Variants in CAPRIN1 observed in about 807,000 individuals in gnomAD.
CAPRIN1 encodes cell cycle associated protein 1.
Under a neutral mutation model 100.9 loss-of-function variants are expected in CAPRIN1, and 29 were observed. That is an observed-to-expected ratio of 0.29 (90% confidence interval 0.21 to 0.39). The LOEUF is 0.39. Among genes scored for constraint, CAPRIN1 ranks in the 10% least tolerant of loss-of-function variants. The probability of loss-of-function intolerance (pLI) is 1.00; values close to 1 mark genes in which losing one functional copy is unlikely to be tolerated. For synonymous variants in CAPRIN1, 338 were observed against 307.5 expected (o/e 1.10, Z -1.04); for missense variants, 795 against 876.7 (o/e 0.91, Z 1.18).
chr11:34,092,234 T>G (rs1851278313), intron 15 of CAPRIN1, among the ~76,000 whole-genome samples, 178 bp downstream of exon 15: 1 of 152,232 alleles, frequency 6.6e-6, no homozygotes, highest in Non-Finnish European at 1.5e-5. Context: ...TATATGTGAA[T>G]TATGTGCAAT....
intron 4 of CAPRIN1, among the ~76,000 whole-genome samples, chr11:34,075,138 G>A (rs1005157553): frequency 4.0e-5 from 6 of 151,654 alleles, no homozygotes; most frequent in African/African-American, 1.5e-4. Flanking sequence ...GCTATCACTT[G>A]CCATTTATTG....
intron 15 of CAPRIN1, 132 bp downstream of exon 15, chr11:34,092,188 C>A: frequency 2.5e-6 from 2 of 790,710 alleles, no homozygotes; most frequent in Non-Finnish European, 3.8e-6. Flanking sequence ...ATGAATTTTT[C>A]ATTTCAGATC....
At chr11:34,092,137 A>AGTG in intron 15 of CAPRIN1, 81 bp downstream of exon 15, 1 of 1,378,518 alleles carries the variant, frequency 7.3e-7, no homozygotes, top group South Asian at 1.4e-5. Flanking sequence ...TAGACTTCAG[A>AGTG]GTGGTGGTGT....
intron 11 of CAPRIN1, among the ~76,000 whole-genome samples, chr11:34,087,558 C>A (rs1851172936): frequency 8.1e-6 from 1 of 123,052 alleles, no homozygotes; most frequent in Non-Finnish European, 1.8e-5. Flanking sequence ...TGGTCTCGAT[C>A]TCCTGACCTC....
chr11:34,066,960 T>C (rs1230743637), intron 2 of CAPRIN1, among the ~76,000 whole-genome samples: 2 of 150,858 alleles, frequency 1.3e-5, no homozygotes, highest in African/African-American at 4.9e-5. Context: ...AAGACAGTCT[T>C]ACTCTGTTTC....
rs371614503 is a variant in CAPRIN1, at chr11:34,079,617, C to G, written c.689-11C>G. 1.1e-5 allele frequency: 18 copies of G among 1,610,582 alleles called. No individual in the cohort carries two copies. The highest frequency in any genetic ancestry group is 1.4e-5 in the Non-Finnish European group (16 of 1,177,388). ...TAAGTCTTACATTATAATTCATGTT[C>G]TTTTTCTTAGATAAAGTTCTAAAGG... is the stretch of plus-strand genomic sequence containing the variant. On this transcript the variant is annotated splice_polypyrimidine_tract_variant and intron_variant, in intron 6 of 18. Coordinates refer to ENST00000341394, the MANE Select transcript of CAPRIN1 (RefSeq NM_005898.5).
chr11:34,099,508 G>A lies in CAPRIN1; in HGVS notation c.*141G>A. 3 of 692,928 alleles carry A rather than the reference G, an allele frequency of 4.3e-6. No individual in the cohort carries two copies. The highest frequency in any genetic ancestry group is 2.5e-6 in the Non-Finnish European group (1 of 395,688). 42.9% of individuals were successfully genotyped at this position (692,928 alleles called of 1,614,324 possible). On this transcript the variant is annotated 3_prime_UTR_variant, in exon 19 of 19. Coordinates refer to ENST00000341394, the MANE Select transcript of CAPRIN1 (RefSeq NM_005898.5). ...GGACTGTTTTCATCCCATAAAGACAGGACTACAATTGTCAGCTTTCTATTA... is the reference window on the plus strand; with the variant it reads ...GGACTGTTTTCATCCCATAAAGACAAGACTACAATTGTCAGCTTTCTATTA...
intron 2 of CAPRIN1, among the ~76,000 whole-genome samples, chr11:34,058,614 C>G (rs766166633): frequency 2.0e-5 from 3 of 152,146 alleles, no homozygotes; most frequent in Non-Finnish European, 4.4e-5. Context: ...TATTATTAGA[C>G]TTTTATTAAT....
At chr11:34,072,483 TTATC>T (rs1461035355) in intron 4 of CAPRIN1, among the ~76,000 whole-genome samples, 1 of 152,194 alleles carries the variant, frequency 6.6e-6, no homozygotes, top group Non-Finnish European at 1.5e-5. Flanking sequence ...TGTTTTTTAT[TTATC>T]ATGTTCCTTA....
chr11:34,080,628 C>T (rs1446216675), intron 7 of CAPRIN1, among the ~76,000 whole-genome samples: 4 of 152,176 alleles, frequency 2.6e-5, no homozygotes, highest in African/African-American at 7.2e-5. Context: ...TATGATAACT[C>T]TTATGTTGAT....
chr11:34,063,686 T>G (rs934422307), intron 2 of CAPRIN1, among the ~76,000 whole-genome samples: 4 of 152,326 alleles, frequency 2.6e-5, no homozygotes, highest in South Asian at 4.1e-4. Flanking sequence ...AAATGGATTT[T>G]TAATACACTT....
chr11:34,097,171 TTTC>T (rs1281113291), intron 16 of CAPRIN1, 22 bp from the exon 17 acceptor site: 1 of 1,498,004 alleles, frequency 6.7e-7, no homozygotes, highest in Non-Finnish European at 9.3e-7. Context: ...AAGAAAATTA[TTTC>T]TTTTCTTGTC....
intron 2 of CAPRIN1, 95 bp downstream of exon 2, chr11:34,052,731 C>T: frequency 6.9e-7 from 1 of 1,451,782 alleles, no homozygotes; most frequent in Non-Finnish European, 9.3e-7. Flanking sequence ...CTTTTCGTCT[C>T]GGGAGCGTTA....
Position 34,079,645 on chromosome 11 carries a change from A to G in CAPRIN1, c.706A>G (p.Ile236Val), listed in dbSNP as rs764747463. ...TTTCTTAGATAAAGTTCTAAAGGAAATTGTTGAGCGTGTTTTTCAGTCAAA... is the reference window on the plus strand; with the variant it reads ...TTTCTTAGATAAAGTTCTAAAGGAAGTTGTTGAGCGTGTTTTTCAGTCAAA... Reference protein sequence around the residue: ...CGTTYKVLKEIVERVFQSNYF... With the variant: ...CGTTYKVLKEVVERVFQSNYF... Residue 236 changes from isoleucine (I) to valine (V), a missense_variant, in exon 7 of 19, where the codon ATT becomes GTT. Physicochemically the swap from Ile to Val is conservative, Grantham distance 29 (BLOSUM62 3). Transcript: ENST00000341394. 1.9e-6 allele frequency: 3 copies of G among 1,613,930 alleles called. No homozygotes were observed. Among genetic ancestry groups the G allele is most frequent in the South Asian group, 1.1e-5 (1 of 91,078 alleles).
intron 2 of CAPRIN1, among the ~76,000 whole-genome samples, chr11:34,062,435 C>G (rs903238649): frequency 1.3e-5 from 2 of 151,984 alleles, no homozygotes; most frequent in Non-Finnish European, 2.9e-5. Flanking sequence ...ACCATCTTGG[C>G]TAACACAGTG....
intron 7 of CAPRIN1, among the ~76,000 whole-genome samples, chr11:34,080,353 T>G (rs1190688513): frequency 6.6e-6 from 1 of 152,210 alleles, no homozygotes; most frequent in African/African-American, 2.4e-5. Context: ...TGCAGTAGTA[T>G]TGATGGGCAG....
chr11:34,096,712 T>G (rs765288397), intron 16 of CAPRIN1, 39 bp downstream of exon 16: 16 of 1,458,324 alleles, frequency 1.1e-5, no homozygotes, highest in Non-Finnish European at 1.9e-6. Context: ...GACCTTTTAC[T>G]AGTTCAAATT....
intron 14 of CAPRIN1, among the ~76,000 whole-genome samples, chr11:34,091,088 A>G (rs1851254453): frequency 6.6e-6 from 1 of 152,184 alleles, no homozygotes; most frequent in African/African-American, 2.4e-5. Context: ...TTGAGCAAGC[A>G]CCTTTAGAGA....
intron 2 of CAPRIN1, among the ~76,000 whole-genome samples, chr11:34,054,100 T>C (rs1850395708): frequency 6.6e-6 from 1 of 152,226 alleles, no homozygotes; most frequent in Non-Finnish European, 1.5e-5. Flanking sequence ...TTAGGTCTTA[T>C]TAATTTTACT....
Sources: gnomAD v4.1 joint callset for allele counts (sites outside exome capture counted in the v4.1 genomes callset) on GRCh38, gnomAD v4.1.1 for gene constraint, MANE v1.5 for transcripts, NCBI Gene and HGNC (gene_info 2026-07-23, HGNC 2026-07-21) for gene names.